Variants in MAD1L1 observed in about 807,000 individuals in gnomAD.
MAD1L1 encodes mitotic spindle assembly checkpoint protein MAD1.
A neutral mutation model predicts 96.9 loss-of-function variants in MAD1L1; 95 were observed. The ratio of observed to expected loss-of-function variants is 0.98; its 90% CI spans 0.83 to 1.16. MAD1L1 has a LOEUF of 1.16. Ranked by LOEUF, MAD1L1 falls within the 50% of genes most tolerant of loss-of-function variation. The pLI, the probability that MAD1L1 is intolerant of heterozygous loss-of-function variation, is 0.00. For synonymous variants in MAD1L1, 473 were observed against 396.6 expected (o/e 1.19, Z -2.29); for missense variants, 1,007 against 954.4 (o/e 1.06, Z -0.73).
chr7:1,985,600 C>T (rs1166258515), intron 14 of MAD1L1, among the ~76,000 whole-genome samples: 1 of 152,272 alleles, frequency 6.6e-6, no homozygotes, highest in Admixed American at 6.5e-5. Context: ...CCGCCATCCT[C>T]ATGTTCTCTC....
At chr7:1,863,117 C>A (rs971268443) in intron 18 of MAD1L1, among the ~76,000 whole-genome samples, 1 of 152,280 alleles carries the variant, frequency 6.6e-6, no homozygotes, top group African/African-American at 2.4e-5. Flanking sequence ...GAGGAGGGAG[C>A]CCCAAGCCCC....
chr7:2,109,814 G>C (rs1259264223), intron 11 of MAD1L1, among the ~76,000 whole-genome samples: 1 of 152,226 alleles, frequency 6.6e-6, no homozygotes, highest in African/African-American at 2.4e-5. Flanking sequence ...TGCTAAATAT[G>C]TAATTTAGGA....
At chr7:2,139,184 C>A (rs1472918456) in intron 11 of MAD1L1, among the ~76,000 whole-genome samples, 1 of 152,104 alleles carries the variant, frequency 6.6e-6, no homozygotes, top group African/African-American at 2.4e-5. Flanking sequence ...AGGAAGCACC[C>A]CACACCATGT....
intron 10 of MAD1L1, among the ~76,000 whole-genome samples, chr7:2,168,130 C>T (rs976982383): frequency 3.3e-5 from 5 of 151,876 alleles, no homozygotes; most frequent in African/African-American, 1.2e-4. Context: ...ACTAAAAATA[C>T]AAAAATTAGC....
chr7:2,060,427 GC>G (rs1784605021), intron 12 of MAD1L1, among the ~76,000 whole-genome samples: 1 of 151,524 alleles, frequency 6.6e-6, no homozygotes, highest in Admixed American at 6.6e-5. Flanking sequence ...GCTGAGATAC[GC>G]CGATGCTGAG....
intron 18 of MAD1L1, among the ~76,000 whole-genome samples, chr7:1,887,783 G>C (rs1223711169): frequency 6.8e-6 from 1 of 147,006 alleles, no homozygotes; most frequent in Non-Finnish European, 1.5e-5. Flanking sequence ...CTGTGTGTGT[G>C]CATGTGTGCA....
At chr7:1,958,405 A>C (rs1479289878) in intron 15 of MAD1L1, among the ~76,000 whole-genome samples, 5 of 152,214 alleles carry the variant, frequency 3.3e-5, no homozygotes, top group African/African-American at 1.2e-4. Flanking sequence ...TGTGGTTTAA[A>C]AATAAAAAAA....
In MAD1L1 at chr7:2,215,791, A is replaced by G. The variant is rs537269069; in HGVS notation, c.924+94T>C. ...CCCATCACAGCAACCTCCATGTTGT[A>G]GGTGAGCAGCTGGTGGGCGTGACCA... On this transcript the variant is annotated intron_variant, in intron 9 of 18. Coordinates refer to ENST00000265854, the MANE Select transcript of MAD1L1 (RefSeq NM_001013836.2). The G allele has an allele frequency of 5.3e-5, 59 of 1,119,314 alleles. 1 individual carries two copies. The African/African-American group carries it at 7.2e-4, about 14-fold the overall frequency. The allele number at this position is 1,119,314 out of a possible 1,614,324, so 69.3% of individuals were successfully genotyped here. A position where few individuals can be genotyped will look rare whatever the true frequency, so the allele number is the denominator to read the frequency against.
chr7:2,051,892 A>G (rs73281402), intron 12 of MAD1L1, among the ~76,000 whole-genome samples: 7,112 of 151,912 alleles, frequency 0.047, 272 homozygotes, highest in African/African-American at 0.098. Flanking sequence ...GTGTCAGGCT[A>G]TACCACATGG....
chr7:1,983,647 A>C (rs1488717280), intron 14 of MAD1L1, among the ~76,000 whole-genome samples: 8 of 152,210 alleles, frequency 5.3e-5, no homozygotes. Flanking sequence ...TAAACTTCTC[A>C]ATCTTATGTG....
chr7:2,024,607 A>G (rs968199066), intron 12 of MAD1L1, among the ~76,000 whole-genome samples: 1 of 152,204 alleles, frequency 6.6e-6, no homozygotes, highest in South Asian at 2.1e-4. Flanking sequence ...CCCCCTCTGT[A>G]GGCAAGTTCC....
chr7:2,068,593 G>GGGACA (rs1438607649), intron 12 of MAD1L1, among the ~76,000 whole-genome samples: 1 of 151,962 alleles, frequency 6.6e-6, no homozygotes, highest in African/African-American at 2.4e-5. Flanking sequence ...AGAGCATCTG[G>GGGACA]GGACAGATTG....
At chr7:2,066,210 C>T (rs929940383) in intron 12 of MAD1L1, among the ~76,000 whole-genome samples, 18 of 152,218 alleles carry the variant, frequency 1.2e-4, no homozygotes, top group Admixed American at 2.0e-4. Context: ...CCCCACCAGC[C>T]GGAGGCTCGC....
At chr7:2,132,383 GCGTC>G (rs1788554761) in intron 11 of MAD1L1, among the ~76,000 whole-genome samples, 1 of 149,048 alleles carries the variant, frequency 6.7e-6, no homozygotes, top group East Asian at 2.0e-4. Context: ...GTGCGACCGC[GCGTC>G]CACCATCACG....
At chr7:2,028,999 C>G (rs556657774) in intron 12 of MAD1L1, among the ~76,000 whole-genome samples, 1 of 152,206 alleles carries the variant, frequency 6.6e-6, no homozygotes, top group East Asian at 1.9e-4. Context: ...CTGGAACAAC[C>G]TGGAGGGTGG....
chr7:2,136,687 G>C (rs1311615649), intron 11 of MAD1L1, among the ~76,000 whole-genome samples: 3 of 152,188 alleles, frequency 2.0e-5, no homozygotes, highest in Admixed American at 2.0e-4. Context: ...CCATCTCTTG[G>C]CATCTCCTCG....
chr7:1,940,712 G>A (rs907450422), intron 16 of MAD1L1, among the ~76,000 whole-genome samples: 1 of 152,212 alleles, frequency 6.6e-6, no homozygotes, highest in East Asian at 1.9e-4. Flanking sequence ...CCCCGCTGAC[G>A]GAGCTGCGGG....
chr7:1,824,719 A>C (rs2128622434), intron 18 of MAD1L1, among the ~76,000 whole-genome samples: 1 of 152,338 alleles, frequency 6.6e-6, no homozygotes, highest in Admixed American at 6.5e-5. Context: ...CGCTTGTAGA[A>C]TACACCTGCT....
chr7:1,884,112 CA>C (rs1319356018), intron 18 of MAD1L1, among the ~76,000 whole-genome samples: 1 of 152,236 alleles, frequency 6.6e-6, no homozygotes, highest in Non-Finnish European at 1.5e-5. Context: ...ACTGGGACCG[CA>C]AGCCAGAGTT....
Sources: allele counts gnomAD v4.1 joint callset (sites outside exome capture counted in the v4.1 genomes callset), GRCh38; gene constraint gnomAD v4.1.1; transcripts MANE v1.5; gene names NCBI Gene and HGNC (gene_info 2026-07-23, HGNC 2026-07-21).